Variants in KCNJ6 observed in about 807,000 individuals in gnomAD.
The protein encoded by KCNJ6 is potassium inwardly rectifying channel subfamily J member 6.
A neutral mutation model predicts 34.2 loss-of-function variants in KCNJ6; 9 were observed. The ratio of observed to expected loss-of-function variants is 0.26; its 90% confidence interval spans 0.16 to 0.46. KCNJ6 has a LOEUF of 0.46. Ranked by LOEUF, KCNJ6 falls within the 20% of genes least tolerant of loss-of-function variation. KCNJ6 has a pLI of 1.00. For missense variants in KCNJ6, 236 were observed against 531.3 expected, an observed-to-expected ratio of 0.44 and a Z score of 5.46; for synonymous variants, 196 against 207.1, an observed-to-expected ratio of 0.95 and a Z score of 0.46.
intron 3 of KCNJ6, among the ~76,000 whole-genome samples, chr21:37,702,674 T>C (rs993438473): frequency 6.6e-6 from 1 of 152,044 alleles, no homozygotes; most frequent in African/African-American, 2.4e-5. Flanking sequence ...AAGATGGTAA[T>C]TAAAGACAAG....
chr21:37,853,520 C>T (rs2123593323), intron 1 of KCNJ6, among the ~76,000 whole-genome samples: 1 of 152,054 alleles, frequency 6.6e-6, no homozygotes, highest in African/African-American at 2.4e-5. Context: ...AGCAGACCTA[C>T]CCTGAAAGAA....
intron 3 of KCNJ6, among the ~76,000 whole-genome samples, chr21:37,697,519 C>T (rs2054668996): frequency 6.6e-6 from 1 of 152,180 alleles, no homozygotes; most frequent in African/African-American, 2.4e-5. Flanking sequence ...TACTGGTACT[C>T]AAGCGTTTGT....
At chr21:37,734,055 C>T (rs886690237) in intron 2 of KCNJ6, among the ~76,000 whole-genome samples, 1 of 152,190 alleles carries the variant, frequency 6.6e-6, no homozygotes. Flanking sequence ...AGGTCTCTTG[C>T]ATTTTAAGTG....
intron 1 of KCNJ6, among the ~76,000 whole-genome samples, chr21:37,851,595 T>C (rs376431714): frequency 4.6e-5 from 7 of 152,322 alleles, no homozygotes; most frequent in African/African-American, 1.7e-4. Context: ...GTTAGGTATC[T>C]AATAATTGAT....
chr21:37,881,832 G>A (rs2055710019), intron 1 of KCNJ6, among the ~76,000 whole-genome samples: 1 of 152,172 alleles, frequency 6.6e-6, no homozygotes, highest in Non-Finnish European at 1.5e-5. Context: ...GTGGGGACAT[G>A]AACATTCAGT....
chr21:37,790,932 T>C (rs2055213748), intron 2 of KCNJ6, among the ~76,000 whole-genome samples: 1 of 152,246 alleles, frequency 6.6e-6, no homozygotes, highest in African/African-American at 2.4e-5. Flanking sequence ...CACAATTACA[T>C]TTCCATTACT....
chr21:37,830,309 G>T (rs887079192), intron 2 of KCNJ6, among the ~76,000 whole-genome samples: 1 of 152,072 alleles, frequency 6.6e-6, no homozygotes, highest in Non-Finnish European at 1.5e-5. Flanking sequence ...GCCTAGGGAG[G>T]GTCTGAGACT....
At chr21:37,755,573 G>T (rs368326819) in intron 2 of KCNJ6, among the ~76,000 whole-genome samples, 1 of 152,222 alleles carries the variant, frequency 6.6e-6, no homozygotes, top group Non-Finnish European at 1.5e-5. Context: ...GCTTTGCCAT[G>T]AGGGGCAACT....
chr21:37,675,006 C>T lies in KCNJ6; in HGVS notation c.946+39205G>A, dbSNP rs914907690. ...TTCCCAGACAGCCCACCCTGCACTG[C>T]CCCTGTCCCCAAGCCTTCCAGGTGG... On this transcript the variant is annotated intron_variant, in intron 3 of 3. Coordinates refer to ENST00000609713, the MANE Select transcript of KCNJ6 (RefSeq NM_002240.5). The surrounding 1 kb of genome is among the most constrained non-coding windows in gnomAD (Gnocchi z 4.2). 6.6e-6 allele frequency among the ~76,000 whole-genome samples: 1 copy of T among 152,148 alleles called. No individual in the cohort carries two copies. Among genetic ancestry groups the T allele is most frequent in the East Asian group, 1.9e-4 (1 of 5,168 alleles).
In KCNJ6 at chr21:37,611,559, C is replaced by G. The variant is rs2054242665; in HGVS notation, c.*13600G>C. 1 of 152,164 alleles carries G rather than the reference C, an allele frequency of 6.6e-6. No homozygotes were observed. The highest frequency in any genetic ancestry group is 1.5e-5 in the Non-Finnish European group (1 of 68,032). The allele number at this position is 152,164 out of a possible 1,614,324, so 9.4% of individuals were successfully genotyped here. A position where few individuals can be genotyped will look rare whatever the true frequency, so the allele number is the denominator to read the frequency against. On this transcript the variant is annotated 3_prime_UTR_variant, in exon 4 of 4. Coordinates refer to ENST00000609713, the MANE Select transcript of KCNJ6 (RefSeq NM_002240.5). ...ATTACAAGAAAACTACAGACCAATA[C>G]CTGTCATAAGCATAGATGCAGAAAT...
intron 2 of KCNJ6, among the ~76,000 whole-genome samples, chr21:37,718,010 T>C (rs1393240420): frequency 2.6e-5 from 4 of 152,226 alleles, no homozygotes; most frequent in Non-Finnish European, 5.9e-5. Flanking sequence ...ATCAGTGCTC[T>C]GGAAAGTCTG....
Position 37,840,712 on chromosome 21 carries a change from G to A in KCNJ6, c.-27-3C>T, listed in dbSNP as rs745812315. 3 of 1,556,336 alleles carry A rather than the reference G, an allele frequency of 1.9e-6. No homozygotes were observed. Among genetic ancestry groups the A allele is most frequent in the Non-Finnish European group, 8.8e-7 (1 of 1,131,814 alleles). On this transcript the variant is annotated splice_polypyrimidine_tract_variant and splice_region_variant and intron_variant, in intron 1 of 3. Transcript: ENST00000609713. ...GCAGTTTCTTCTTTGTGCTTTTCCTGGAGGTGAGAAGAAAAGACAATTATC... is the reference window on the plus strand; with the variant it reads ...GCAGTTTCTTCTTTGTGCTTTTCCTAGAGGTGAGAAGAAAAGACAATTATC...
chr21:37,786,978 G>C lies in KCNJ6; in HGVS notation c.25+53680C>G, dbSNP rs117016146. On this transcript the variant is annotated intron_variant, in intron 2 of 3. Coordinates refer to ENST00000609713, the MANE Select transcript of KCNJ6 (RefSeq NM_002240.5). ...TTCCTTTAAAGCCAGGCACTCCTCT[G>C]AGCCCCTCACAGAGATTGCTTTGCA... 8.6e-3 allele frequency among the ~76,000 whole-genome samples: 1,306 copies of C among 152,204 alleles called. 7 individuals carry two copies. The highest frequency in any genetic ancestry group is 0.013 in the Non-Finnish European group (860 of 68,014).
rs115920493 is a variant in KCNJ6, at chr21:37,865,303, T to C, written c.-27-24594A>G. ...CTTCACTTGATACGAAAAACAGAAG[T>C]TACCATTATACAGAAAAAAAGTGGA... On this transcript the variant is annotated intron_variant, in intron 1 of 3. Transcript: ENST00000609713. Among the ~76,000 whole-genome samples the C allele has an allele frequency of 2.9e-3, 444 of 152,302 alleles. 4 individuals are homozygous for C. Among genetic ancestry groups the C allele is most frequent in the African/African-American group, 0.011 (440 of 41,574 alleles).
intron 2 of KCNJ6, among the ~76,000 whole-genome samples, chr21:37,818,183 C>T (rs1383038014): frequency 6.9e-6 from 1 of 145,856 alleles, no homozygotes; most frequent in East Asian, 2.0e-4. Flanking sequence ...AGCCAATTGG[C>T]TTAAAAGTGC....
At chr21:37,873,530 ACTAG>A (rs1230182785) in intron 1 of KCNJ6, among the ~76,000 whole-genome samples, 3 of 152,130 alleles carry the variant, frequency 2.0e-5, no homozygotes, top group Non-Finnish European at 4.4e-5. Context: ...ACCAACCACA[ACTAG>A]CTGAGCATTG....
chr21:37,668,299 G>C (rs1350068786), intron 3 of KCNJ6, among the ~76,000 whole-genome samples: 1 of 152,130 alleles, frequency 6.6e-6, no homozygotes, highest in African/African-American at 2.4e-5. Context: ...GGGGTAATGG[G>C]AGCCTGTAGG....
At position 37,720,809 on chromosome 21, in the gene KCNJ6, G is replaced by A. The variant is rs903006809; in HGVS notation, c.26-5678C>T. Among the ~76,000 whole-genome samples the A allele has an allele frequency of 4.3e-4, 65 of 150,674 alleles. 2 individuals carry two copies. In the East Asian group the frequency reaches 5.9e-3, roughly 14 times the overall value. On this transcript the variant is annotated intron_variant, in intron 2 of 3. Transcript: ENST00000609713. ...TGCAAGCTCCGCTTCCCGGGTTCAC[G>A]CCATTCTCCTGCCTCAGCCTCCCGA...
At chr21:37,797,063 GCTTT>G (rs1403191709) in intron 2 of KCNJ6, among the ~76,000 whole-genome samples, 2 of 151,912 alleles carry the variant, frequency 1.3e-5, no homozygotes, top group Non-Finnish European at 2.9e-5. Context: ...AAAGTGCTGG[GCTTT>G]CTTTCTTTTT....
Sources: allele counts gnomAD v4.1 joint callset (sites outside exome capture counted in the v4.1 genomes callset), GRCh38; gene constraint gnomAD v4.1.1; non-coding constraint Gnocchi (gnomAD v3.1); transcripts MANE v1.5; gene names NCBI Gene and HGNC (gene_info 2026-07-23, HGNC 2026-07-21).